AKAP9: variants seen among roughly 807,000 people sequenced by gnomAD.
AKAP9 encodes A-kinase anchoring protein 9.
A neutral mutation model predicts 488.5 loss-of-function variants in AKAP9; 311 were observed. The ratio of observed to expected loss-of-function variants is 0.64; its 90% confidence interval spans 0.58 to 0.70. The LOEUF (loss-of-function observed/expected upper bound fraction) is 0.70, where lower values mean the gene tolerates loss of function less well. Ranked by LOEUF, AKAP9 falls within the 30% of genes least tolerant of loss-of-function variation. The probability of loss-of-function intolerance (pLI) is 0.00; values close to 1 mark genes in which losing one functional copy is unlikely to be tolerated. For missense variants in AKAP9, 4,215 were observed against 4,374.5 expected, an observed-to-expected ratio of 0.96 and a Z score of 1.03; for synonymous variants, 1,462 against 1,483.5, an observed-to-expected ratio of 0.99 and a Z score of 0.33.
At chr7:91,992,127 C>T in intron 3 of AKAP9, 31 bp from the exon 4 acceptor site, 1 of 1,531,078 alleles carries the variant, frequency 6.5e-7, no homozygotes, top group Non-Finnish European at 9.1e-7. Context: ...TGTCTAAGAT[C>T]ATAATATATC....
rs1006198028 is a variant in AKAP9 at position 92,038,475 on chromosome 7, T to G, written c.4395T>G (p.Ser1465=). 1.9e-6 allele frequency: 3 copies of G among 1,613,826 alleles called. No individual in the cohort carries two copies. Residue 1465 remains serine (S), a synonymous_variant, in exon 17 of 50, where the codon TCT becomes TCG. Coordinates refer to ENST00000356239, the MANE Select transcript of AKAP9 (RefSeq NM_005751.5). ...FAQQTELSRI[S]GGKENTASSK... is the part of the protein sequence containing the mutation. ...AACAAACTGAACTGTCTAGAATATC[T>G]GGGGGAAAAGAAAATACTGCATCAT...
intron 14 of AKAP9, among the ~76,000 whole-genome samples, chr7:92,028,204 G>A (rs1295919096): frequency 6.8e-6 from 1 of 146,220 alleles, no homozygotes; most frequent in Non-Finnish European, 1.5e-5. Flanking sequence ...CTTTGTTCAC[G>A]TGTTTATCTG....
chr7:92,035,536 A>G (rs1805051096), intron 16 of AKAP9, among the ~76,000 whole-genome samples: 1 of 152,114 alleles, frequency 6.6e-6, no homozygotes, highest in Non-Finnish European at 1.5e-5. Flanking sequence ...AACGAATTTT[A>G]TGTTGTCTAA....
intron 14 of AKAP9, among the ~76,000 whole-genome samples, chr7:92,025,159 A>G (rs1478131390): frequency 2.0e-5 from 3 of 152,216 alleles, no homozygotes; most frequent in African/African-American, 7.2e-5. Context: ...ATGAAACAAA[A>G]TAGGTAATTA....
intron 26 of AKAP9, among the ~76,000 whole-genome samples, chr7:92,068,545 T>C (rs1481769183): frequency 6.6e-5 from 10 of 152,046 alleles, no homozygotes; most frequent in Non-Finnish European, 1.5e-4. Flanking sequence ...TTTGAAAAGG[T>C]TGGCCTGCTT....
At chr7:92,009,837 C>T (rs1800440184) in intron 8 of AKAP9, among the ~76,000 whole-genome samples, 1 of 152,126 alleles carries the variant, frequency 6.6e-6, no homozygotes, top group Non-Finnish European at 1.5e-5. Context: ...ACTTCACATT[C>T]ATAGATAGCA....
rs1292784673 is a variant in AKAP9, at chr7:92,002,855, G to A, written c.2938G>A (p.Val980Ile). The change falls in exon 8 of 50, where the codon GTT (valine) becomes ATT (isoleucine). Residue 980 changes from valine to isoleucine, a missense_variant. Around this residue, in one of 5 missense-constraint regions of AKAP9, gnomAD observed 2,361 missense variants for 2,430.0 expected, o/e 0.97. Transcript: ENST00000356239. Reference protein sequence around the residue: ...HGEISFLNEEVKSLKQEKEQV... With the variant: ...HGEISFLNEEIKSLKQEKEQV... ...TGAGATTAGTTTTCTAAATGAAGAAGTTAAATCTTTAAAGCAAGAGAAAGA... is the reference window on the plus strand; with the variant it reads ...TGAGATTAGTTTTCTAAATGAAGAAATTAAATCTTTAAAGCAAGAGAAAGA... 6.2e-7 allele frequency: 1 copy of A among 1,613,162 alleles called. No homozygotes were observed. The highest frequency in any genetic ancestry group is 1.7e-5 in the Admixed American group (1 of 59,902).
chr7:92,026,481 C>T (rs1350746973), intron 14 of AKAP9, among the ~76,000 whole-genome samples: 2 of 152,118 alleles, frequency 1.3e-5, no homozygotes, highest in Non-Finnish European at 2.9e-5. Flanking sequence ...ATTGCAGTCA[C>T]GCGCCGCCAC....
intron 7 of AKAP9, among the ~76,000 whole-genome samples, chr7:92,000,467 G>C (rs1052596246): frequency 6.6e-6 from 1 of 152,146 alleles, no homozygotes; most frequent in Non-Finnish European, 1.5e-5. Context: ...TGTGTCTAGA[G>C]TATATGCAGT....
chr7:92,083,051 A>G, intron 32 of AKAP9, 119 bp from the exon 33 acceptor site: 1 of 1,206,786 alleles, frequency 8.3e-7, no homozygotes, highest in African/African-American at 1.5e-5. Context: ...TTTTCCTACT[A>G]CTCTGAGGAA....
intron 38 of AKAP9, chr7:92,092,538 A>G (rs1815810033): frequency 6.6e-6 from 1 of 152,060 alleles, no homozygotes; most frequent in Admixed American, 6.5e-5. Context: ...TCTTGCATCC[A>G]TTAATGTATT....
intron 20 of AKAP9, among the ~76,000 whole-genome samples, chr7:92,044,280 C>A (rs140957878): frequency 0.011 from 1,700 of 152,192 alleles, 21 homozygotes; most frequent in Middle Eastern, 0.027. Flanking sequence ...ACACCAAATT[C>A]ATTCTAGTTG....
Position 92,042,087 on chromosome 7 carries a change from G to T in AKAP9, c.4959G>T (p.Glu1653Asp), listed in dbSNP as rs745498011. The T allele has an allele frequency of 1.2e-5, 19 of 1,613,964 alleles. No individual in the cohort carries two copies. The highest frequency in any genetic ancestry group is 1.6e-5 in the Non-Finnish European group (19 of 1,179,918). The part of the protein sequence containing the change: ...IDNENLVSER[E>D]RVLLEELEAL... ...ATGAAAACCTGGTTTCAGAGAGAGAGAGGGTGCTTTTAGAGGAGCTGGAAG... is the reference window on the plus strand; with the variant it reads ...ATGAAAACCTGGTTTCAGAGAGAGATAGGGTGCTTTTAGAGGAGCTGGAAG... The change falls in exon 19 of 50, where the codon GAG (glutamate) becomes GAT (aspartate). Residue 1653 changes from glutamate (E) to aspartate (D), a missense_variant. This residue lies in a region of AKAP9 where 2,361 missense variants were observed against 2,430.0 expected (regional missense o/e 0.97). Transcript: ENST00000356239.
intron 1 of AKAP9, among the ~76,000 whole-genome samples, chr7:91,952,785 A>G (rs1016560150): frequency 6.6e-6 from 1 of 152,180 alleles, no homozygotes; most frequent in Admixed American, 6.5e-5. Flanking sequence ...TATATCCTGT[A>G]GATTGTGGGG....
intron 3 of AKAP9, among the ~76,000 whole-genome samples, chr7:91,988,669 G>A (rs774061289): frequency 6.6e-6 from 1 of 152,008 alleles, no homozygotes; most frequent in Non-Finnish European, 1.5e-5. Context: ...CATTTTTCTG[G>A]TAAATAGGGC....
Position 92,065,925 on chromosome 7 carries a change from AT to A in AKAP9, c.6210+471del, listed in dbSNP as rs1175443961. Among the ~76,000 whole-genome samples the A allele has an allele frequency of 9.3e-5, 14 of 151,346 alleles. No individual in the cohort carries two copies. In the East Asian group the frequency reaches 1.9e-3, roughly 21 times the overall value. ...AAAGATGTTAAATCTCTAATTTCACATTTTTTTTTCCTTTGAGATTTCACTT... is the reference window on the plus strand; with the variant it reads ...AAAGATGTTAAATCTCTAATTTCACATTTTTTTTCCTTTGAGATTTCACTT... On this transcript the variant is annotated intron_variant, in intron 25 of 49. Transcript: ENST00000356239.
intron 1 of AKAP9, among the ~76,000 whole-genome samples, chr7:91,947,314 G>A (rs1352906929): frequency 2.6e-5 from 4 of 151,884 alleles, no homozygotes; most frequent in South Asian, 4.2e-4. Flanking sequence ...GAATGCCTAC[G>A]ACTGCAGCTA....
chr7:91,971,771 G>A (rs1584639695), intron 1 of AKAP9, among the ~76,000 whole-genome samples: 1 of 151,034 alleles, frequency 6.6e-6, no homozygotes, highest in African/African-American at 2.4e-5. Context: ...GGGTTTCACT[G>A]TGTCAGCCAG....
At chr7:91,998,117 A>G (rs1798626670) in intron 7 of AKAP9, among the ~76,000 whole-genome samples, 1 of 152,138 alleles carries the variant, frequency 6.6e-6, no homozygotes, top group African/African-American at 2.4e-5. Context: ...GATCCTTCAC[A>G]TGCACAGTTC....
Sources: allele counts gnomAD v4.1 joint callset (sites outside exome capture counted in the v4.1 genomes callset), GRCh38; gene constraint gnomAD v4.1.1; regional missense constraint gnomAD v4.1.1; transcripts MANE v1.5; gene names NCBI Gene and HGNC (gene_info 2026-07-23, HGNC 2026-07-21).